The following ZNF385D variants were observed in gnomAD, a reference collection of about 807,000 sequenced individuals.
The protein encoded by ZNF385D is zinc finger protein 659.
In ZNF385D, 15 loss-of-function variants were observed where a neutral mutation model predicts 35.8. The observed-to-expected ratio is 0.42, with a 90% confidence interval of 0.28 to 0.64. ZNF385D has a LOEUF of 0.64. Ranked by LOEUF, ZNF385D falls within the 30% of genes least tolerant of loss-of-function variation. The probability of loss-of-function intolerance (pLI) is 0.23; values close to 1 mark genes in which losing one functional copy is unlikely to be tolerated. For synonymous variants in ZNF385D, 212 were observed against 186.8 expected (o/e 1.13, Z -1.10); for missense variants, 474 against 494.6 (o/e 0.96, Z 0.39).
At chr3:21,919,781 T>A (rs1389542859) in intron 3 of ZNF385D, among the ~76,000 whole-genome samples, 1 of 152,234 alleles carries the variant, frequency 6.6e-6, no homozygotes, top group African/African-American at 2.4e-5. Flanking sequence ...CAAATATTTT[T>A]AAGAAACTTT....
chr3:21,794,702 G>A (rs921326821), intron 3 of ZNF385D, among the ~76,000 whole-genome samples: 3 of 152,096 alleles, frequency 2.0e-5, no homozygotes, highest in East Asian at 1.9e-4. Context: ...CATCCAGGAG[G>A]CGATTACATT....
chr3:21,651,555 C>A (rs1453333571), intron 2 of ZNF385D, among the ~76,000 whole-genome samples: 1 of 147,296 alleles, frequency 6.8e-6, no homozygotes, highest in Non-Finnish European at 1.5e-5. Flanking sequence ...TTGGTAGTGA[C>A]GGTGGTGAAG....
At chr3:22,247,761 C>A (rs1230889735) in intron 2 of ZNF385D, among the ~76,000 whole-genome samples, 1 of 151,910 alleles carries the variant, frequency 6.6e-6, no homozygotes, top group Non-Finnish European at 1.5e-5. Flanking sequence ...CATGCCACCA[C>A]ACCCAGCTAA....
intron 3 of ZNF385D, among the ~76,000 whole-genome samples, chr3:22,078,248 G>A (rs1355470059): frequency 6.6e-6 from 1 of 151,944 alleles, no homozygotes; most frequent in Non-Finnish European, 1.5e-5. Context: ...AAATGATTTG[G>A]TTGTTTGGTG....
At chr3:21,992,448 A>G (rs1488599899) in intron 3 of ZNF385D, among the ~76,000 whole-genome samples, 3 of 152,184 alleles carry the variant, frequency 2.0e-5, no homozygotes, top group South Asian at 2.1e-4. Flanking sequence ...GTTTCAAATT[A>G]TATTATCATC....
intron 2 of ZNF385D, among the ~76,000 whole-genome samples, chr3:22,291,874 G>C (rs1473824775): frequency 1.3e-5 from 2 of 151,888 alleles, no homozygotes; most frequent in Non-Finnish European, 2.9e-5. Flanking sequence ...GTGTACTTCA[G>C]TTTTCATATG....
At chr3:22,039,582 C>A (rs2125501041) in intron 3 of ZNF385D, among the ~76,000 whole-genome samples, 1 of 152,134 alleles carries the variant, frequency 6.6e-6, no homozygotes, top group Admixed American at 6.5e-5. Context: ...GTATAAAAAT[C>A]TAGGCATTAA....
At chr3:21,709,263 T>C (rs2068014361) in intron 1 of ZNF385D, among the ~76,000 whole-genome samples, 1 of 152,172 alleles carries the variant, frequency 6.6e-6, no homozygotes, top group Non-Finnish European at 1.5e-5. Flanking sequence ...GATGAAGCAG[T>C]GTACTCAAAG....
intron 3 of ZNF385D, among the ~76,000 whole-genome samples, chr3:21,863,031 C>T (rs764792382): frequency 6.6e-6 from 1 of 152,078 alleles, no homozygotes; most frequent in African/African-American, 2.4e-5. Context: ...TATGCAAATA[C>T]TATGCTTGTA....
intron 3 of ZNF385D, among the ~76,000 whole-genome samples, chr3:22,036,223 T>C (rs1698307767): frequency 6.6e-6 from 1 of 152,172 alleles, no homozygotes; most frequent in Non-Finnish European, 1.5e-5. Flanking sequence ...TACTCAATTC[T>C]TCTCAGAGGT....
chr3:21,610,402 T>C (rs1386141715), intron 2 of ZNF385D, among the ~76,000 whole-genome samples: 1 of 152,142 alleles, frequency 6.6e-6, no homozygotes, highest in East Asian at 1.9e-4. Context: ...TTTGATCCCA[T>C]AATAGGTCTA....
intron 4 of ZNF385D, among the ~76,000 whole-genome samples, chr3:21,495,956 G>C (rs796865311): frequency 1.4e-4 from 22 of 152,154 alleles, no homozygotes; most frequent in African/African-American, 4.6e-4. Context: ...AGAAGAGATG[G>C]ATAAATTCCT....
At chr3:21,639,831 A>G (rs2065550236) in intron 2 of ZNF385D, among the ~76,000 whole-genome samples, 1 of 152,004 alleles carries the variant, frequency 6.6e-6, no homozygotes, top group African/African-American at 2.4e-5. Context: ...TATTTTAAAA[A>G]TGTTCACCAT....
intron 3 of ZNF385D, among the ~76,000 whole-genome samples, chr3:21,814,955 T>TA (rs532194396): frequency 4.2e-4 from 64 of 152,100 alleles, no homozygotes; most frequent in African/African-American, 1.5e-3. Flanking sequence ...TCAGCAAATG[T>TA]AAAAAAACAG....
chr3:22,091,486 A>G (rs375756780), intron 3 of ZNF385D, among the ~76,000 whole-genome samples: 1 of 152,032 alleles, frequency 6.6e-6, no homozygotes, highest in African/African-American at 2.4e-5. Flanking sequence ...TAATCAGAAC[A>G]CCCTGGTCTG....
At chr3:22,372,356 G>T in intron 2 of ZNF385D, 1 of 811,410 alleles carries the variant, frequency 1.2e-6, no homozygotes, top group Non-Finnish European at 1.5e-6. Flanking sequence ...CCTCGCGCCT[G>T]GTATCCCGCA....
chr3:22,130,077 T>A (rs964005585), intron 3 of ZNF385D, among the ~76,000 whole-genome samples: 7 of 152,118 alleles, frequency 4.6e-5, no homozygotes, highest in Admixed American at 3.3e-4. Context: ...GCCATTGGAA[T>A]CCTTTGTGGC....
intron 3 of ZNF385D, among the ~76,000 whole-genome samples, chr3:21,537,936 A>G (rs1321817144): frequency 3.3e-5 from 5 of 152,136 alleles, no homozygotes. Flanking sequence ...TTACAATAAT[A>G]CAGATGAGAG....
chr3:22,044,401 G>T (rs575819756), intron 3 of ZNF385D, among the ~76,000 whole-genome samples: 1 of 151,986 alleles, frequency 6.6e-6, no homozygotes, highest in Admixed American at 6.6e-5. Context: ...AGCACCCTTT[G>T]GCCCACTGTG....
Sources: gnomAD v4.1 joint callset for allele counts (sites outside exome capture counted in the v4.1 genomes callset) on GRCh38, gnomAD v4.1.1 for gene constraint, MANE v1.5 for transcripts, NCBI Gene and HGNC (gene_info 2026-07-23, HGNC 2026-07-21) for gene names.